ARFGEF1: variants seen among roughly 807,000 people sequenced by gnomAD.
ARFGEF1 encodes ARF guanine nucleotide exchange factor 1, also known as brefeldin A-inhibited guanine nucleotide-exchange protein 1.
ARFGEF1 carries 42 observed loss-of-function variants against 231.0 expected under a neutral mutation model. The ratio of observed to expected loss-of-function variants is 0.18; its 90% CI spans 0.14 to 0.24. The LOEUF (loss-of-function observed/expected upper bound fraction) is 0.24. ARFGEF1 is among the 10% of genes least tolerant of loss of function. The pLI is 1.00. For missense variants in ARFGEF1, 1,345 were observed against 2,192.0 expected (o/e 0.61, Z 7.72); for synonymous variants, 710 against 732.3 (o/e 0.97, Z 0.49).
chr8:67,296,702 G>T, intron 4 of ARFGEF1, 92 bp from the exon 5 acceptor site: 2 of 983,458 alleles, frequency 2.0e-6, no homozygotes, highest in Non-Finnish European at 2.9e-6. Context: ...CCAGGCTGGA[G>T]TGCAGTAGTG....
chr8:67,236,871 A>AC (rs1388898524), intron 22 of ARFGEF1, among the ~76,000 whole-genome samples: 2 of 152,176 alleles, frequency 1.3e-5, no homozygotes, highest in Non-Finnish European at 2.9e-5. Flanking sequence ...TATCCTTGCA[A>AC]CCTAAGTAGC....
chr8:67,234,372 T>C (rs755591447), intron 22 of ARFGEF1, among the ~76,000 whole-genome samples: 2 of 152,080 alleles, frequency 1.3e-5, no homozygotes, highest in Non-Finnish European at 2.9e-5. Context: ...CTAATTTCAA[T>C]AGGGACAAGA....
intron 34 of ARFGEF1, among the ~76,000 whole-genome samples, chr8:67,209,714 CT>C (rs1232366686): frequency 6.6e-6 from 1 of 152,114 alleles, no homozygotes; most frequent in African/African-American, 2.4e-5. Context: ...AAGGGTTCCT[CT>C]TTTTTGTGAA....
chr8:67,311,613 G>A (rs1370553337), intron 1 of ARFGEF1, among the ~76,000 whole-genome samples: 6 of 145,426 alleles, frequency 4.1e-5, no homozygotes, highest in Non-Finnish European at 6.1e-5. Flanking sequence ...GGAGGGAGGT[G>A]GGGGGGTCAG....
chr8:67,251,261 A>C (rs1307820771), intron 19 of ARFGEF1, 38 bp downstream of exon 19: 4 of 1,543,340 alleles, frequency 2.6e-6, no homozygotes, highest in Middle Eastern at 1.7e-4. Flanking sequence ...TTATATATAA[A>C]TGTACACTGC....
chr8:67,176,852 A>G (rs946159247), intron 5 of ARFGEF1, among the ~76,000 whole-genome samples: 1 of 152,036 alleles, frequency 6.6e-6, no homozygotes, highest in East Asian at 1.9e-4. Context: ...TGGGCGGATC[A>G]TGAGGTCAGG....
intron 5 of ARFGEF1, chr8:67,180,046 T>C (rs1011043795): frequency 6.5e-5 from 35 of 540,238 alleles, no homozygotes; most frequent in Non-Finnish European, 1.1e-4. Flanking sequence ...AGGAATATTC[T>C]TTTTTCTGTT....
At chr8:67,174,544 C>T (rs371431166), downstream of ARFGEF1, 2 of 151,982 alleles carry the variant, frequency 1.3e-5, no homozygotes, top group African/African-American at 2.4e-5. Context: ...GTGTGGATCA[C>T]GAGGTCAGGA....
intron 34 of ARFGEF1, among the ~76,000 whole-genome samples, chr8:67,207,638 T>C (rs533343930): frequency 2.4e-4 from 36 of 152,332 alleles, no homozygotes; most frequent in African/African-American, 4.3e-4. Context: ...AGGTACTGAA[T>C]CAACTCGACA....
Position 67,240,213 on chromosome 8 carries a change from G to A in ARFGEF1, c.2928C>T (p.Cys976=). ...TGATTGCACATCTTATACCTTCCAG[G>A]CAAAGAGAGGCTACTTCAGTATCAT... ...DCDDTEVASL[C]LEGIRCAIRI... The change falls in exon 20 of 39, where the codon TGC becomes TGT. Residue 976 remains cysteine (C), a synonymous_variant. Transcript: ENST00000262215. 6.2e-7 allele frequency: 1 copy of A among 1,612,982 alleles called. No individual in the cohort carries two copies. The highest frequency in any genetic ancestry group is 8.5e-7 in the Non-Finnish European group (1 of 1,179,650).
intron 10 of ARFGEF1, among the ~76,000 whole-genome samples, chr8:67,271,197 T>C (rs189158164): frequency 3.9e-5 from 6 of 152,044 alleles, no homozygotes; most frequent in Admixed American, 3.3e-4. Context: ...AAGAAAACTT[T>C]AGGAATATAT....
chr8:67,308,513 A>G (rs1307250991), intron 1 of ARFGEF1, among the ~76,000 whole-genome samples: 1 of 152,188 alleles, frequency 6.6e-6, no homozygotes, highest in South Asian at 2.1e-4. Flanking sequence ...TGTCCCCTAA[A>G]TCAATTCCTT....
intron 5 of ARFGEF1, chr8:67,177,750 CAAGT>C (rs2129569688): frequency 6.3e-7 from 1 of 1,583,636 alleles, no homozygotes; most frequent in East Asian, 2.2e-5. Flanking sequence ...TACAATTTTT[CAAGT>C]TAGTTTTTGG....
chr8:67,228,352 T>G (rs922960109), intron 23 of ARFGEF1, 88 bp from the exon 24 acceptor site: 39 of 1,294,574 alleles, frequency 3.0e-5, no homozygotes, highest in Non-Finnish European at 4.0e-5. Context: ...TACTAGCTAT[T>G]TTTATGTTTT....
chr8:67,230,453 G>A (rs1440944162), intron 23 of ARFGEF1, among the ~76,000 whole-genome samples: 7 of 152,050 alleles, frequency 4.6e-5, no homozygotes, highest in Admixed American at 3.3e-4. Flanking sequence ...TAAACTGTAT[G>A]CAATACACAA....
intron 7 of ARFGEF1, among the ~76,000 whole-genome samples, chr8:67,281,879 A>G (rs1044776596): frequency 5.9e-5 from 9 of 152,148 alleles, no homozygotes; most frequent in African/African-American, 1.7e-4. Flanking sequence ...TGCATGAGCC[A>G]AAGGAAGAAA....
In ARFGEF1 at chr8:67,198,165, A is replaced by G; in HGVS notation, c.*769T>C. 4.1e-6 allele frequency: 4 copies of G among 985,528 alleles called. No individual in the cohort carries two copies. The highest frequency in any genetic ancestry group is 4.8e-6 in the Non-Finnish European group (4 of 829,838). The allele number at this position is 985,528 out of a possible 1,614,324, so 61.0% of individuals were successfully genotyped here. A position where few individuals can be genotyped will look rare whatever the true frequency, so the allele number is the denominator to read the frequency against. On this transcript the variant is annotated 3_prime_UTR_variant, in exon 39 of 39. Coordinates refer to ENST00000262215, the MANE Select transcript of ARFGEF1 (RefSeq NM_006421.5). ...GGATATTTTCTACCTTTTTTTCCCT[A>G]TTGTTGAAGTGTCGGCCACAACAGC... is the stretch of plus-strand genomic sequence containing the variant.
chr8:67,194,569 T>A (rs1485662115), downstream of ARFGEF1, among the ~76,000 whole-genome samples: 1 of 152,190 alleles, frequency 6.6e-6, no homozygotes, highest in Non-Finnish European at 1.5e-5. Flanking sequence ...ATTTTAAGAA[T>A]CTTTTTCAGA....
intron 19 of ARFGEF1, among the ~76,000 whole-genome samples, chr8:67,250,833 C>T (rs891176693): frequency 1.3e-5 from 2 of 152,216 alleles, no homozygotes; most frequent in African/African-American, 4.8e-5. Flanking sequence ...ATCATTCTCA[C>T]TAAATCAACC....
Sources: allele counts gnomAD v4.1 joint callset (sites outside exome capture counted in the v4.1 genomes callset), GRCh38; gene constraint gnomAD v4.1.1; transcripts MANE v1.5; gene names NCBI Gene and HGNC (gene_info 2026-07-23, HGNC 2026-07-21).